Variants in GPC5 observed in about 807,000 individuals in gnomAD.
GPC5 encodes glypican-5.
In GPC5, 47 loss-of-function variants were observed where a neutral mutation model predicts 53.9. That is an observed-to-expected ratio of 0.87 (90% CI 0.69 to 1.11). GPC5 has a LOEUF of 1.11. Among genes scored for constraint, GPC5 ranks in the 50% most tolerant of loss-of-function variants. The probability of loss-of-function intolerance (pLI) is 0.00; values close to 1 mark genes in which losing one functional copy is unlikely to be tolerated. For synonymous variants in GPC5, 286 were observed against 263.3 expected (o/e 1.09, Z -0.84); for missense variants, 748 against 713.1 (o/e 1.05, Z -0.56).
intron 6 of GPC5, among the ~76,000 whole-genome samples, chr13:92,067,006 G>A (rs7986010): frequency 0.55 from 84,226 of 151,820 alleles, 23,675 homozygotes; most frequent in East Asian, 0.79. Context: ...GGCTGTAGCC[G>A]CAAGTAAAGG....
In GPC5 at chr13:92,758,672, A is replaced by T. The variant is rs187875918; in HGVS notation, c.1562-107610A>T. ...ATTTATTTTCAAGATTATACTCCTTAAAATAATCCCATTTCTCTTCTCGTT... is the reference window on the plus strand; with the variant it reads ...ATTTATTTTCAAGATTATACTCCTTTAAATAATCCCATTTCTCTTCTCGTT... On this transcript the variant is annotated intron_variant, in intron 7 of 7. Transcript: ENST00000377067. Among the ~76,000 whole-genome samples the T allele has an allele frequency of 2.2e-4, 34 of 152,220 alleles. No individual in the cohort carries two copies. The East Asian group carries it at 5.2e-3, about 23-fold the overall frequency.
intron 5 of GPC5, among the ~76,000 whole-genome samples, chr13:91,877,180 T>C (rs2138942316): frequency 6.6e-6 from 1 of 152,222 alleles, no homozygotes; most frequent in African/African-American, 2.4e-5. Context: ...GCCAGGGCAG[T>C]GTGGAAGGGA....
chr13:92,602,758 C>G (rs1256648373), intron 7 of GPC5, among the ~76,000 whole-genome samples: 1 of 152,026 alleles, frequency 6.6e-6, no homozygotes, highest in African/African-American at 2.4e-5. Flanking sequence ...AAAACAAGTT[C>G]AAAAGAATTG....
At chr13:92,372,686 T>G (rs1317492473) in intron 7 of GPC5, among the ~76,000 whole-genome samples, 2 of 151,602 alleles carry the variant, frequency 1.3e-5, no homozygotes, top group Non-Finnish European at 2.9e-5. Context: ...CTGTCCTATT[T>G]TTCTGTAGAG....
intron 4 of GPC5, among the ~76,000 whole-genome samples, chr13:91,734,404 G>A (rs2036769738): frequency 1.3e-5 from 2 of 151,236 alleles, no homozygotes; most frequent in Non-Finnish European, 2.9e-5. Flanking sequence ...TACAGGGTGG[G>A]TCTGTGGACT....
chr13:92,200,186 A>C lies in GPC5; in HGVS notation c.1561+55197A>C, dbSNP rs937183751. Among the ~76,000 whole-genome samples the C allele has an allele frequency of 2.6e-4, 14 of 53,454 alleles. No individual in the cohort carries two copies. The East Asian group carries it at 0.032, about 123-fold the overall frequency. The allele number at this position is 53,454 out of a possible 152,430, so 35.1% of individuals were successfully genotyped here. ...TTTCCCTTTTTCCAAGTGCCAAATA[A>C]AATTTTTCTCACGTTTTCTTTTAAA... On this transcript the variant is annotated intron_variant, in intron 7 of 7. Transcript: ENST00000377067.
chr13:91,437,082 G>A (rs941167169), intron 1 of GPC5, among the ~76,000 whole-genome samples: 4 of 151,810 alleles, frequency 2.6e-5, no homozygotes, highest in East Asian at 1.9e-4. Context: ...TATGTGTGTC[G>A]CTGCATATGA....
chr13:92,713,772 G>C (rs1000549513), intron 7 of GPC5, among the ~76,000 whole-genome samples: 1 of 151,780 alleles, frequency 6.6e-6, no homozygotes, highest in Non-Finnish European at 1.5e-5. Flanking sequence ...TTCTTATTTA[G>C]ACCTATAAGA....
chr13:91,921,507 C>A (rs2039714066), intron 6 of GPC5, among the ~76,000 whole-genome samples: 1 of 151,866 alleles, frequency 6.6e-6, no homozygotes. Flanking sequence ...GTGACAGATA[C>A]AAGAAAAACT....
chr13:92,206,042 CA>C (rs58237718), intron 7 of GPC5, among the ~76,000 whole-genome samples: 3,439 of 90,362 alleles, frequency 0.038, 62 homozygotes, highest in African/African-American at 0.11. Context: ...GACTCCATCT[CA>C]AAAAAAAAAA....
chr13:91,682,716 A>C (rs2035535766), intron 2 of GPC5, among the ~76,000 whole-genome samples: 1 of 152,182 alleles, frequency 6.6e-6, no homozygotes, highest in Non-Finnish European at 1.5e-5. Flanking sequence ...TGTGAACATA[A>C]GAAGTGAAAG....
chr13:91,401,841 A>T (rs1876976948), intron 1 of GPC5, among the ~76,000 whole-genome samples: 1 of 152,156 alleles, frequency 6.6e-6, no homozygotes, highest in Non-Finnish European at 1.5e-5. Context: ...TTTTAAGCCT[A>T]TTGAGCTCCT....
chr13:91,710,897 A>G (rs342688), intron 3 of GPC5, among the ~76,000 whole-genome samples: 5,836 of 152,324 alleles, frequency 0.038, 146 homozygotes, highest in Middle Eastern at 0.12. Flanking sequence ...GGGAAAGCCT[A>G]CACACAATAG....
intron 2 of GPC5, among the ~76,000 whole-genome samples, chr13:91,641,255 G>C (rs944754417): frequency 1.3e-5 from 2 of 152,208 alleles, no homozygotes; most frequent in African/African-American, 2.4e-5. Flanking sequence ...GTGAACCCAG[G>C]AGGCGGAGCT....
At chr13:92,703,355 A>G (rs1887825829) in intron 7 of GPC5, among the ~76,000 whole-genome samples, 1 of 151,546 alleles carries the variant, frequency 6.6e-6, no homozygotes, top group Non-Finnish European at 1.5e-5. Context: ...AGGAGATATG[A>G]TAGATAATAT....
At chr13:92,216,335 G>A (rs942383145) in intron 7 of GPC5, among the ~76,000 whole-genome samples, 5 of 152,142 alleles carry the variant, frequency 3.3e-5, no homozygotes, top group African/African-American at 1.2e-4. Context: ...GTCAGGGAAG[G>A]CAGACTTTAT....
chr13:92,017,431 T>C (rs2040717000), intron 6 of GPC5, among the ~76,000 whole-genome samples: 3 of 152,084 alleles, frequency 2.0e-5, no homozygotes, highest in Admixed American at 2.0e-4. Flanking sequence ...AAAACCCAAA[T>C]AACTCACTGC....
rs185842510 is a variant in GPC5, at chr13:91,703,540, A to G, written c.1020+9659A>G. Reference sequence around the variant, plus strand: ...GGGATAAATGTCACTGCTGCTGAGTATGGTTTGCCAGCATTTTGTTGAAGA... The same window carrying G: ...GGGATAAATGTCACTGCTGCTGAGTGTGGTTTGCCAGCATTTTGTTGAAGA... On this transcript the variant is annotated intron_variant, in intron 3 of 7. Coordinates refer to ENST00000377067, the MANE Select transcript of GPC5 (RefSeq NM_004466.6). Among the ~76,000 whole-genome samples, 438 of 152,194 alleles carry G rather than the reference A, an allele frequency of 2.9e-3. 2 individuals carry two copies. Among genetic ancestry groups the G allele is most frequent in the African/African-American group, 0.01 (418 of 41,554 alleles).
At chr13:92,103,316 TTA>T (rs1339936651) in intron 6 of GPC5, among the ~76,000 whole-genome samples, 1 of 152,146 alleles carries the variant, frequency 6.6e-6, no homozygotes, top group Non-Finnish European at 1.5e-5. Flanking sequence ...CCTGTCAAAA[TTA>T]TGTTATTTTA....
Sources: allele counts gnomAD v4.1 joint callset (sites outside exome capture counted in the v4.1 genomes callset), GRCh38; gene constraint gnomAD v4.1.1; transcripts MANE v1.5; gene names NCBI Gene and HGNC (gene_info 2026-07-23, HGNC 2026-07-21).